Variants in TTC7B observed in about 807,000 individuals in gnomAD.
The protein encoded by TTC7B is tetratricopeptide repeat domain 7B.
In TTC7B, 28 loss-of-function variants were observed where a neutral mutation model predicts 106.8. The observed-to-expected ratio is 0.26, with a 90% CI of 0.19 to 0.36. The LOEUF (loss-of-function observed/expected upper bound fraction) is 0.36, where lower values mean the gene tolerates loss of function less well. Among genes scored for constraint, TTC7B ranks in the 10% least tolerant of loss-of-function variants. The probability of loss-of-function intolerance (pLI) is 1.00; values close to 1 mark genes in which losing one functional copy is unlikely to be tolerated. For missense variants in TTC7B, 862 were observed against 1,076.4 expected (o/e 0.80, Z 2.79); for synonymous variants, 405 against 430.6 (o/e 0.94, Z 0.74).
intron 9 of TTC7B, among the ~76,000 whole-genome samples, chr14:90,668,027 A>G (rs1886478001): frequency 6.6e-6 from 1 of 152,098 alleles, no homozygotes; most frequent in Non-Finnish European, 1.5e-5. Context: ...AAGAATACAC[A>G]AGTAACTTCT....
intron 9 of TTC7B, among the ~76,000 whole-genome samples, chr14:90,670,023 A>T (rs1403666500): frequency 1.3e-5 from 2 of 152,266 alleles, no homozygotes; most frequent in African/African-American, 4.8e-5. Context: ...AGAAGGAAGG[A>T]AAGTCCAAGG....
intron 1 of TTC7B, among the ~76,000 whole-genome samples, chr14:90,786,960 T>G (rs563587513): frequency 2.9e-4 from 44 of 152,350 alleles, no homozygotes; most frequent in Non-Finnish European, 5.4e-4. Flanking sequence ...GTGTTCATTA[T>G]GATCTTTATA....
In TTC7B at chr14:90,593,525, G is replaced by A. The variant is rs779433545; in HGVS notation, c.2068C>T (p.His690Tyr). 2 of 1,610,268 alleles carry A rather than the reference G, an allele frequency of 1.2e-6. No individual in the cohort carries two copies. Among genetic ancestry groups the A allele is most frequent in the African/African-American group, 1.3e-5 (1 of 74,958 alleles). Residue 690 changes from histidine (H) to tyrosine (Y), a missense_variant, in exon 18 of 20, where the codon CAC becomes TAC. Transcript: ENST00000328459. ...ATCTGTGCCAGCGTCATCCAGGGGT[G>A]CAGCGGGCCCTGCTTAGGGGCACTG... is the stretch of plus-strand genomic sequence containing the variant. ...QSSAPKQGPL[H>Y]PWMTLAQIWL...
At chr14:90,643,675 C>G (rs1407627437) in intron 15 of TTC7B, among the ~76,000 whole-genome samples, 1 of 152,018 alleles carries the variant, frequency 6.6e-6, no homozygotes, top group East Asian at 1.9e-4. Flanking sequence ...CTCTGCCTCC[C>G]AGGTTCAAGC....
intron 3 of TTC7B, among the ~76,000 whole-genome samples, chr14:90,748,327 CTACTT>C (rs1433736812): frequency 6.6e-6 from 1 of 151,794 alleles, no homozygotes; most frequent in Non-Finnish European, 1.5e-5. Context: ...TTGGCATAGT[CTACTT>C]TGTTTTGTTT....
chr14:90,617,242 G>A (rs1893122425), intron 16 of TTC7B, among the ~76,000 whole-genome samples: 1 of 152,186 alleles, frequency 6.6e-6, no homozygotes. Context: ...AGAGACAACT[G>A]ATGTCACCCT....
intron 3 of TTC7B, among the ~76,000 whole-genome samples, chr14:90,773,376 A>G (rs1890923502): frequency 6.6e-6 from 1 of 152,194 alleles, no homozygotes; most frequent in Non-Finnish European, 1.5e-5. Context: ...ACTCACAATG[A>G]GTGATTATGC....
intron 3 of TTC7B, among the ~76,000 whole-genome samples, chr14:90,752,059 A>C (rs562974513): frequency 7.4e-4 from 112 of 152,304 alleles, no homozygotes; most frequent in African/African-American, 2.5e-3. Context: ...GACCAATGGG[A>C]CATCACACGG....
At chr14:90,798,990 G>A (rs941166030) in intron 1 of TTC7B, among the ~76,000 whole-genome samples, 1 of 152,158 alleles carries the variant, frequency 6.6e-6, no homozygotes, top group Non-Finnish European at 1.5e-5. Context: ...TTGGTCTAGA[G>A]TGGCTATTCT....
intron 5 of TTC7B, among the ~76,000 whole-genome samples, chr14:90,716,423 G>A (rs1412105979): frequency 1.3e-5 from 2 of 152,210 alleles, no homozygotes; most frequent in Non-Finnish European, 2.9e-5. Context: ...GGGCCTAGCA[G>A]AAGATTTCGA....
intron 9 of TTC7B, among the ~76,000 whole-genome samples, chr14:90,662,262 C>T (rs1345465585): frequency 6.6e-6 from 1 of 152,196 alleles, no homozygotes; most frequent in East Asian, 1.9e-4. Context: ...AGGGAAGGGG[C>T]CTCTGGACCT....
chr14:90,620,662 T>C (rs1893275116), intron 15 of TTC7B, among the ~76,000 whole-genome samples: 1 of 152,148 alleles, frequency 6.6e-6, no homozygotes. Flanking sequence ...CAATGGCGCC[T>C]GCCCCCAGAG....
At chr14:90,674,742 G>T (rs952887077) in intron 9 of TTC7B, among the ~76,000 whole-genome samples, 1 of 152,218 alleles carries the variant, frequency 6.6e-6, no homozygotes, top group East Asian at 1.9e-4. Context: ...CACAGATATG[G>T]TATAAAATTC....
intron 5 of TTC7B, among the ~76,000 whole-genome samples, chr14:90,700,641 T>C (rs530773841): frequency 1.1e-4 from 16 of 151,462 alleles, no homozygotes; most frequent in East Asian, 2.0e-4. Context: ...GTACTTGGTA[T>C]ACCATGAGAT....
chr14:90,631,747 G>A (rs772753838), intron 15 of TTC7B, among the ~76,000 whole-genome samples: 12 of 151,924 alleles, frequency 7.9e-5, no homozygotes, highest in Non-Finnish European at 1.3e-4. Context: ...AATGCACAAG[G>A]GTTCCTATTT....
At chr14:90,617,393 G>GT (rs1893129316) in intron 16 of TTC7B, among the ~76,000 whole-genome samples, 1 of 152,104 alleles carries the variant, frequency 6.6e-6, no homozygotes, top group East Asian at 1.9e-4. Flanking sequence ...CATTTTCCTG[G>GT]TTCCTGCATT....
chr14:90,736,129 T>C (rs774392508), intron 4 of TTC7B, among the ~76,000 whole-genome samples: 24 of 151,532 alleles, frequency 1.6e-4, no homozygotes, highest in Non-Finnish European at 2.9e-4. Context: ...GAAATTTTAA[T>C]TGAGAAAAAT....
intron 15 of TTC7B, among the ~76,000 whole-genome samples, chr14:90,636,551 A>G (rs577506888): frequency 6.6e-6 from 1 of 152,116 alleles, no homozygotes; most frequent in African/African-American, 2.4e-5. Context: ...TAGCATAATT[A>G]ACAACTCAAA....
At position 90,617,983 on chromosome 14, in the gene TTC7B, G is replaced by C. The variant is rs767179026; in HGVS notation, c.1814C>G (p.Thr605Ser). The C allele has an allele frequency of 8.1e-6, 13 of 1,614,046 alleles. No homozygotes were observed. In the South Asian group the frequency reaches 1.1e-4, roughly 14 times the overall value. Reference sequence around the variant, plus strand: ...CCATATCTGCAGCATGTGCTTACAAGTCAGCAGTGCCTCGTCCGGGCCTCG... The same window carrying C: ...CCATATCTGCAGCATGTGCTTACAACTCAGCAGTGCCTCGTCCGGGCCTCG... ...LCRGPDEALL[T>S]CKHMLQIWKS... is the part of the protein sequence containing the mutation. Residue 605 changes from threonine to serine, a missense_variant, in exon 16 of 20, where the codon ACT (threonine) becomes AGT (serine). Thr to Ser is a moderately conservative substitution (Grantham distance 58). Coordinates refer to ENST00000328459, the MANE Select transcript of TTC7B (RefSeq NM_001010854.2).
Sources: gnomAD v4.1 joint callset for allele counts (sites outside exome capture counted in the v4.1 genomes callset) on GRCh38, gnomAD v4.1.1 for gene constraint, MANE v1.5 for transcripts, NCBI Gene and HGNC (gene_info 2026-07-23, HGNC 2026-07-21) for gene names.